Variants in FBLN2 observed in about 807,000 individuals in gnomAD.
FBLN2 encodes fibulin 2.
In FBLN2, 81 loss-of-function variants were observed where a neutral mutation model predicts 123.7. That is an observed-to-expected ratio of 0.65 (90% confidence interval 0.55 to 0.79). FBLN2 has a LOEUF of 0.79. Among genes scored for constraint, FBLN2 ranks in the 30% least tolerant of loss-of-function variants. FBLN2 has a pLI of 0.00. For synonymous variants in FBLN2, 699 were observed against 701.4 expected (o/e 1.00, Z 0.05); for missense variants, 1,603 against 1,681.3 (o/e 0.95, Z 0.81).
chr3:13,571,943 G>A (rs114324524), intron 2 of FBLN2, among the ~76,000 whole-genome samples: 4,159 of 152,264 alleles, frequency 0.027, 194 homozygotes, highest in African/African-American at 0.095. Context: ...GGTCCAGAAG[G>A]TGCACATCTT....
chr3:13,586,769 A>G (rs1211130186), intron 2 of FBLN2, among the ~76,000 whole-genome samples: 1 of 147,542 alleles, frequency 6.8e-6, no homozygotes, highest in Non-Finnish European at 1.5e-5. Context: ...TCAGCCTCCC[A>G]AAGTGCTGGG....
At position 13,610,433 on chromosome 3, in the gene FBLN2, G is replaced by A. The variant is rs73814615; in HGVS notation, c.1548+791G>A. On this transcript the variant is annotated intron_variant, in intron 4 of 17. Coordinates refer to ENST00000404922, the MANE Select transcript of FBLN2 (RefSeq NM_001004019.2). ...TTGGGATGGGGTAAAACCCCACCAG[G>A]CAACAGTGGTGCAGAGAACAGTGTG... Among the ~76,000 whole-genome samples the A allele has an allele frequency of 4.4e-3, 677 of 152,296 alleles. 8 individuals are homozygous for A. Among genetic ancestry groups the A allele is most frequent in the African/African-American group, 0.016 (662 of 41,542 alleles).
chr3:13,584,064 G>A lies in FBLN2; in HGVS notation c.1306+12403G>A, dbSNP rs566776312. 8.5e-5 allele frequency among the ~76,000 whole-genome samples: 13 copies of A among 152,338 alleles called. No homozygotes were observed. The South Asian group carries it at 2.7e-3, about 32-fold the overall frequency. On this transcript the variant is annotated intron_variant, in intron 2 of 17. Coordinates refer to ENST00000404922, the MANE Select transcript of FBLN2 (RefSeq NM_001004019.2). The stretch of plus-strand genomic sequence containing the variant: ...GTGGGGGCCGTGGGGACCAGAGACT[G>A]TACCTAGAACACAAGGGCAGTCGCT...
At chr3:13,600,882 C>T (rs952244177) in intron 2 of FBLN2, among the ~76,000 whole-genome samples, 1 of 152,178 alleles carries the variant, frequency 6.6e-6, no homozygotes, top group Admixed American at 6.5e-5. Flanking sequence ...TCCCAAAGTG[C>T]TGGGATTACA....
intron 3 of FBLN2, 30 bp downstream of exon 3, chr3:13,608,203 CT>C (rs769733605): frequency 6.6e-7 from 1 of 1,508,562 alleles, no homozygotes; most frequent in South Asian, 1.2e-5. Flanking sequence ...GCAGGCGGAG[CT>C]GCCCATTTGC....
At chr3:13,558,940 A>C (rs11921676) in intron 1 of FBLN2, among the ~76,000 whole-genome samples, 5,188 of 151,996 alleles carry the variant, frequency 0.034, 303 homozygotes, top group African/African-American at 0.12. Context: ...AGGTTGAGCT[A>C]ATGATGAGAG....
At chr3:13,560,735 C>A (rs997894546) in intron 1 of FBLN2, among the ~76,000 whole-genome samples, 1 of 152,192 alleles carries the variant, frequency 6.6e-6, no homozygotes, top group South Asian at 2.1e-4. Context: ...TTTCTCCTGC[C>A]AACACCTTCT....
chr3:13,609,716 C>G (rs1315164852), intron 4 of FBLN2, 74 bp downstream of exon 4: 2 of 1,519,904 alleles, frequency 1.3e-6, no homozygotes, highest in Non-Finnish European at 1.8e-6. Context: ...CCTGAAGGTC[C>G]TCGTGGCCCA....
At chr3:13,588,151 C>T (rs6442400) in intron 2 of FBLN2, among the ~76,000 whole-genome samples, 34,045 of 152,186 alleles carry the variant, frequency 0.22, 5,104 homozygotes, top group East Asian at 0.42. Flanking sequence ...TCTTACTGTG[C>T]CTTTTCTGTG....
chr3:13,555,687 C>A (rs1365231480), intron 1 of FBLN2, among the ~76,000 whole-genome samples: 2 of 152,150 alleles, frequency 1.3e-5, no homozygotes, highest in Non-Finnish European at 2.9e-5. Flanking sequence ...ATCTCCTGAC[C>A]TTGTGATCCA....
Position 13,609,602 on chromosome 3 carries a change from G to C in FBLN2, c.1508G>C (p.Gly503Ala). 1.3e-6 allele frequency: 2 copies of C among 1,572,224 alleles called. No homozygotes were observed. The highest frequency in any genetic ancestry group is 1.7e-6 in the Non-Finnish European group (2 of 1,158,980). Residue 503 changes from glycine to alanine, a missense_variant, in exon 4 of 18, where the codon GGG becomes GCG. Physicochemically the swap from Gly to Ala is moderately conservative, Grantham distance 60 (BLOSUM62 0). Coordinates refer to ENST00000404922, the MANE Select transcript of FBLN2 (RefSeq NM_001004019.2). ...GGAGCCAAGGAGGGTGAGACCTGTG[G>C]GGCTGAGGACAACGACAGCTGCGGC... ...VLGAKEGETC[G>A]AEDNDSCGIS...
chr3:13,594,531 G>A (rs1415128334), intron 2 of FBLN2, among the ~76,000 whole-genome samples: 8 of 152,178 alleles, frequency 5.3e-5, no homozygotes, highest in African/African-American at 7.2e-5. Context: ...TAAGCCTGTC[G>A]TTTAAACCCT....
intron 2 of FBLN2, among the ~76,000 whole-genome samples, chr3:13,586,306 T>A (rs1704496620): frequency 6.6e-6 from 1 of 151,886 alleles, no homozygotes; most frequent in Admixed American, 6.6e-5. Context: ...TGCTTCAGCC[T>A]CCTGAGTAGC....
Position 13,629,008 on chromosome 3 carries a change from G to A in FBLN2, c.2673G>A (p.Ala891=), listed in dbSNP as rs41283996. ...YTCQRNPLIC[A]RGYHASDDGT... The stretch of plus-strand genomic sequence containing the variant: ...GCCAGAGGAACCCGCTGATCTGCGC[G>A]CGCGGCTACCACGCCAGCGATGATG... The change falls in exon 12 of 18, where the codon GCG becomes GCA. Residue 891 remains alanine, a synonymous_variant. Transcript: ENST00000404922. The A allele has an allele frequency of 0.093, 149,753 of 1,613,284 alleles. 7,703 individuals are homozygous for A. Among genetic ancestry groups the A allele is most frequent in the South Asian group, 0.11 (10,251 of 91,062 alleles).
intron 1 of FBLN2, among the ~76,000 whole-genome samples, chr3:13,564,531 A>G (rs1416260110): frequency 6.6e-6 from 1 of 152,236 alleles, no homozygotes; most frequent in Non-Finnish European, 1.5e-5. Flanking sequence ...CAAATACTGT[A>G]CAGGACATCC....
At chr3:13,569,025 T>C in intron 1 of FBLN2, 1 of 985,646 alleles carries the variant, frequency 1.0e-6, no homozygotes, top group Non-Finnish European at 1.2e-6. Flanking sequence ...AGGCTGGGAG[T>C]CGGAGAAGGA....
Position 13,623,604 on chromosome 3 carries a change from G to C in FBLN2, c.2296+1689G>C, listed in dbSNP as rs1046240589. Among the ~76,000 whole-genome samples the C allele has an allele frequency of 3.9e-5, 6 of 152,282 alleles. 1 individual carries two copies. The highest frequency in any genetic ancestry group is 6.8e-3 in the Middle Eastern group (2 of 294). On this transcript the variant is annotated intron_variant, in intron 9 of 17. Coordinates refer to ENST00000404922, the MANE Select transcript of FBLN2 (RefSeq NM_001004019.2). ...GGGCTCTCCTGCAGTTCATTTGTTT[G>C]CTCTGCACTTGTTTATTAACCCAGG...
Position 13,558,631 on chromosome 3 carries a change from C to T in FBLN2, c.-42+9423C>T, listed in dbSNP as rs189739195. Among the ~76,000 whole-genome samples the T allele has an allele frequency of 2.1e-4, 32 of 152,076 alleles. No individual in the cohort carries two copies. The East Asian group carries it at 2.1e-3, about 10-fold the overall frequency. On this transcript the variant is annotated intron_variant, in intron 1 of 17. Coordinates refer to ENST00000404922, the MANE Select transcript of FBLN2 (RefSeq NM_001004019.2). ...CATACGGATTAATTAATCTACCCCTCTCCACTCACCCACCCATCCATATAC... is the reference window on the plus strand; with the variant it reads ...CATACGGATTAATTAATCTACCCCTTTCCACTCACCCACCCATCCATATAC...
Position 13,570,762 on chromosome 3 carries a change from A to G in FBLN2, c.407A>G (p.Gln136Arg). The G allele has an allele frequency of 6.2e-7, 1 of 1,602,152 alleles. No individual in the cohort carries two copies. Among genetic ancestry groups the G allele is most frequent in the Non-Finnish European group, 8.5e-7 (1 of 1,175,200 alleles). Residue 136 changes from glutamine (Q) to arginine (R), a missense_variant, in exon 2 of 18, where the codon CAG becomes CGG. Gln to Arg is a conservative substitution (Grantham distance 43). Transcript: ENST00000404922. The stretch of plus-strand genomic sequence containing the variant: ...GCTGACAGCTGCCCACAGTGCGGCC[A>G]GGTGGGCTGCGTCCACGCGGGCCAC... ...VVADSCPQCG[Q>R]VGCVHAGHKY...
Sources: gnomAD v4.1 joint callset for allele counts (sites outside exome capture counted in the v4.1 genomes callset) on GRCh38, gnomAD v4.1.1 for gene constraint, MANE v1.5 for transcripts, NCBI Gene and HGNC (gene_info 2026-07-23, HGNC 2026-07-21) for gene names.